LARGE1: variants seen among roughly 807,000 people sequenced by gnomAD.
LARGE1 encodes the protein LARGE xylosyl- and glucuronyltransferase 1.
LARGE1 carries 43 observed loss-of-function variants against 87.6 expected under a neutral mutation model. That is an observed-to-expected ratio of 0.49 (90% CI 0.38 to 0.63). The LOEUF (loss-of-function observed/expected upper bound fraction) is 0.63. Ranked by LOEUF, LARGE1 falls within the 30% of genes least tolerant of loss-of-function variation. The pLI is 0.00. For synonymous variants in LARGE1, 434 were observed against 394.6 expected (o/e 1.10, Z -1.18); for missense variants, 802 against 1,000.2 (o/e 0.80, Z 2.67).
At chr22:33,115,009 T>C in the LARGE1 span, among the ~76,000 whole-genome samples, 2 of 152,198 alleles carry the variant, frequency 1.3e-5, no homozygotes, top group Non-Finnish European at 2.9e-5. Context: ...TGAAGGGTCT[T>C]GGTGTCCTGA....
At chr22:33,440,136 G>A (rs996154238) in intron 6 of LARGE1, among the ~76,000 whole-genome samples, 4 of 152,124 alleles carry the variant, frequency 2.6e-5, no homozygotes, top group African/African-American at 9.7e-5. Context: ...CTGCTTCCTT[G>A]ATTAAAAAGC....
At chr22:33,584,437 C>G (rs991722330) in intron 5 of LARGE1, among the ~76,000 whole-genome samples, 1 of 152,104 alleles carries the variant, frequency 6.6e-6, no homozygotes, top group East Asian at 1.9e-4. Context: ...CAGCTGGTAG[C>G]TGATTGGTAC....
At chr22:33,711,031 G>A (rs1425603020) in intron 2 of LARGE1, among the ~76,000 whole-genome samples, 1 of 152,154 alleles carries the variant, frequency 6.6e-6, no homozygotes, top group Non-Finnish European at 1.5e-5. Flanking sequence ...CTGTGTACGA[G>A]GCACTGTGCT....
intron 2 of LARGE1, among the ~76,000 whole-genome samples, chr22:33,749,872 T>C (rs937298436): frequency 1.1e-4 from 17 of 152,286 alleles, no homozygotes; most frequent in African/African-American, 4.1e-4. Context: ...ACCAGTTGTT[T>C]CTATATCTGC....
intron 1 of LARGE1, among the ~76,000 whole-genome samples, chr22:33,827,992 A>G (rs1454279491): frequency 6.6e-6 from 1 of 152,226 alleles, no homozygotes. Context: ...CAGAAGAACT[A>G]GAATAAAAGA....
At chr22:33,600,331 G>A (rs750304620) in intron 5 of LARGE1, among the ~76,000 whole-genome samples, 14 of 152,130 alleles carry the variant, frequency 9.2e-5, no homozygotes, top group Non-Finnish European at 1.8e-4. Context: ...CTCACGTCAG[G>A]CCTTTGGGAT....
intron 1 of LARGE1, among the ~76,000 whole-genome samples, chr22:33,792,221 C>A (rs879331300): frequency 2.6e-5 from 4 of 152,212 alleles, no homozygotes; most frequent in African/African-American, 9.7e-5. Context: ...ATAATCCCCA[C>A]ATGTCATGGG....
At chr22:33,720,457 G>A (rs1189377769) in intron 2 of LARGE1, among the ~76,000 whole-genome samples, 1 of 152,048 alleles carries the variant, frequency 6.6e-6, no homozygotes, top group Admixed American at 6.6e-5. Context: ...AGGACCCCTG[G>A]GCTATACTAT....
chr22:33,391,759 T>C, intron 7 of LARGE1, among the ~76,000 whole-genome samples: 1 of 127,158 alleles, frequency 7.9e-6, no homozygotes, highest in South Asian at 2.7e-4. Flanking sequence ...GGTTATTTCC[T>C]TTTTCCTTTT....
the LARGE1 span, among the ~76,000 whole-genome samples, chr22:33,129,812 C>T: frequency 2.0e-5 from 3 of 152,126 alleles, no homozygotes; most frequent in African/African-American, 7.2e-5. Flanking sequence ...ATGAGACTCG[C>T]TATCACGAGA....
At chr22:33,782,038 A>C (rs1419357900) in intron 1 of LARGE1, among the ~76,000 whole-genome samples, 4 of 152,106 alleles carry the variant, frequency 2.6e-5, no homozygotes, top group African/African-American at 9.7e-5. Context: ...ATACAATGTA[A>C]ATTATCTGCA....
At chr22:33,285,735 G>A (rs374067580) in intron 12 of LARGE1, among the ~76,000 whole-genome samples, 2 of 152,204 alleles carry the variant, frequency 1.3e-5, no homozygotes, top group Non-Finnish European at 2.9e-5. Context: ...TAGAGCTGGC[G>A]TGCAAAGAGG....
intron 4 of LARGE1, among the ~76,000 whole-genome samples, chr22:33,622,816 A>C (rs2079798045): frequency 6.6e-6 from 1 of 152,234 alleles, no homozygotes; most frequent in Admixed American, 6.5e-5. Flanking sequence ...TTCGTAGCAC[A>C]TACTAAGGAT....
the LARGE1 span, among the ~76,000 whole-genome samples, chr22:33,083,679 T>C: frequency 6.6e-6 from 1 of 152,104 alleles, no homozygotes; most frequent in Non-Finnish European, 1.5e-5. Flanking sequence ...GCTTTGTGAG[T>C]TCGAAGTGTG....
chr22:33,705,946 G>C (rs980460854), intron 2 of LARGE1, among the ~76,000 whole-genome samples: 4 of 152,190 alleles, frequency 2.6e-5, no homozygotes, highest in African/African-American at 9.7e-5. Flanking sequence ...CCAGTTTATA[G>C]ATGAAAGAAT....
chr22:33,281,321 AT>A (rs1041265153), intron 13 of LARGE1, among the ~76,000 whole-genome samples: 1 of 152,056 alleles, frequency 6.6e-6, no homozygotes, highest in African/African-American at 2.4e-5. Flanking sequence ...TGGGAGACTT[AT>A]ATTAAGGTTT....
intron 1 of LARGE1, among the ~76,000 whole-genome samples, chr22:33,899,567 A>C (rs1309368904): frequency 6.6e-6 from 1 of 152,210 alleles, no homozygotes; most frequent in East Asian, 1.9e-4. Flanking sequence ...CAATGAACCA[A>C]GCCACACAGA....
chr22:33,571,786 C>T (rs1051831806), intron 5 of LARGE1, among the ~76,000 whole-genome samples: 15 of 152,086 alleles, frequency 9.9e-5, no homozygotes, highest in Admixed American at 2.6e-4. Context: ...CTTTCAGTCC[C>T]CCAGTCCTAG....
intron 2 of LARGE1, among the ~76,000 whole-genome samples, chr22:33,721,647 A>G (rs2083100366): frequency 6.6e-6 from 1 of 152,208 alleles, no homozygotes; most frequent in Non-Finnish European, 1.5e-5. Context: ...TTGCCAAAGA[A>G]TCAGAGCAGC....
Sources: gnomAD v4.1 joint callset for allele counts (sites outside exome capture counted in the v4.1 genomes callset) on GRCh38, gnomAD v4.1.1 for gene constraint, MANE v1.5 for transcripts, NCBI Gene and HGNC (gene_info 2026-07-23, HGNC 2026-07-21) for gene names.